ADARB2: variants seen among roughly 807,000 people sequenced by gnomAD.
ADARB2 encodes adenosine deaminase RNA specific B2 (inactive).
Under a neutral mutation model 62.2 loss-of-function variants are expected in ADARB2, and 25 were observed. The observed-to-expected ratio is 0.40, with a 90% CI of 0.29 to 0.56. The LOEUF (loss-of-function observed/expected upper bound fraction) is 0.56. Among genes scored for constraint, ADARB2 ranks in the 20% least tolerant of loss-of-function variants. The probability of loss-of-function intolerance (pLI) is 0.43; values close to 1 mark genes in which losing one functional copy is unlikely to be tolerated. For synonymous variants in ADARB2, 572 were observed against 500.8 expected (o/e 1.14, Z -1.90); for missense variants, 1,071 against 1,077.4 (o/e 0.99, Z 0.08).
chr10:1,681,535 G>T (rs1447401014), intron 1 of ADARB2, among the ~76,000 whole-genome samples: 2 of 151,864 alleles, frequency 1.3e-5, no homozygotes, highest in African/African-American at 2.4e-5. Flanking sequence ...TTCTGGTCCT[G>T]GCTCTGCAAT....
intron 1 of ADARB2, among the ~76,000 whole-genome samples, chr10:1,507,504 C>A (rs149841540): frequency 1.1e-3 from 169 of 152,354 alleles, no homozygotes; most frequent in African/African-American, 4.0e-3. Context: ...CTTCTGAGTG[C>A]TTCCTTTACT....
chr10:1,450,524 C>T (rs765359674), intron 1 of ADARB2, among the ~76,000 whole-genome samples: 37 of 152,250 alleles, frequency 2.4e-4, no homozygotes, highest in Admixed American at 9.8e-4. Context: ...CCCCTTGGAT[C>T]TGTCACTTAT....
chr10:1,462,229 G>A (rs1831183778), intron 1 of ADARB2, among the ~76,000 whole-genome samples: 1 of 152,128 alleles, frequency 6.6e-6, no homozygotes, highest in Non-Finnish European at 1.5e-5. Context: ...ACAGCTCAGG[G>A]CTCTGCCAGC....
intron 1 of ADARB2, among the ~76,000 whole-genome samples, chr10:1,384,687 T>C (rs904899029): frequency 3.9e-5 from 6 of 152,156 alleles, no homozygotes; most frequent in Admixed American, 2.6e-4. Context: ...AGTAGAAAAG[T>C]GGACCTGGAG....
At chr10:1,208,988 A>T (rs1196082115) in intron 7 of ADARB2, among the ~76,000 whole-genome samples, 1 of 152,146 alleles carries the variant, frequency 6.6e-6, no homozygotes, top group African/African-American at 2.4e-5. Context: ...AAACAGGCTC[A>T]GGGTATCCTC....
Position 1,393,174 on chromosome 10 carries a change from T to C in ADARB2, c.101-14014A>G, listed in dbSNP as rs117013196. Among the ~76,000 whole-genome samples, 727 of 152,360 alleles carry C rather than the reference T, an allele frequency of 4.8e-3. 5 individuals carry two copies. The highest frequency in any genetic ancestry group is 7.8e-3 in the Non-Finnish European group (534 of 68,036). On this transcript the variant is annotated intron_variant, in intron 1 of 9. Transcript: ENST00000381312. ...TGGAATGTGTCCATTTTTCATGGTT[T>C]AATTTCTTCTTCTCTCTGTTGGTTA...
chr10:1,335,657 T>C (rs574303834), intron 3 of ADARB2, among the ~76,000 whole-genome samples: 55 of 152,318 alleles, frequency 3.6e-4, no homozygotes, highest in African/African-American at 1.2e-3. Flanking sequence ...GGCCATCATT[T>C]ATATCTTTTC....
chr10:1,228,101 C>G (rs1021743), intron 6 of ADARB2, among the ~76,000 whole-genome samples: 120,540 of 152,206 alleles, frequency 0.79, 47,956 homozygotes, highest in African/African-American at 0.87. Flanking sequence ...ATGGGATTTT[C>G]GTTAAATCTC....
At chr10:1,211,319 A>G (rs1251430393) in intron 7 of ADARB2, among the ~76,000 whole-genome samples, 1 of 151,556 alleles carries the variant, frequency 6.6e-6, no homozygotes, top group African/African-American at 2.4e-5. Context: ...ATCTTCATCT[A>G]TCTGTCATTT....
At chr10:1,335,505 A>G (rs1831965807) in intron 3 of ADARB2, among the ~76,000 whole-genome samples, 1 of 145,392 alleles carries the variant, frequency 6.9e-6, no homozygotes, top group East Asian at 2.1e-4. Context: ...GTAGAAGGAC[A>G]GATGGATGGA....
In ADARB2 at chr10:1,248,013, A is replaced by G. The variant is rs142760808; in HGVS notation, c.1193-5714T>C. Among the ~76,000 whole-genome samples the G allele has an allele frequency of 3.5e-4, 53 of 152,342 alleles. No homozygotes were observed. The East Asian group carries it at 0.01, about 29-fold the overall frequency. On this transcript the variant is annotated intron_variant, in intron 4 of 9. Coordinates refer to ENST00000381312, the MANE Select transcript of ADARB2 (RefSeq NM_018702.4). ...AAAAATGCTCTGCACTCAATGAGCA[A>G]TGCTTTGTGTAAAAATGTGCCCAAA...
At chr10:1,417,071 G>A (rs1263212379) in intron 1 of ADARB2, among the ~76,000 whole-genome samples, 4 of 152,092 alleles carry the variant, frequency 2.6e-5, no homozygotes, top group Non-Finnish European at 5.9e-5. Flanking sequence ...CAGAAAGTGT[G>A]GGATATAATA....
At chr10:1,364,596 G>T (rs183441486) in intron 2 of ADARB2, among the ~76,000 whole-genome samples, 183 of 152,292 alleles carry the variant, frequency 1.2e-3, no homozygotes, top group Non-Finnish European at 1.1e-3. Context: ...GGGAAAAAAT[G>T]GATGAATCAC....
intron 1 of ADARB2, among the ~76,000 whole-genome samples, chr10:1,502,163 G>A (rs1588279469): frequency 6.6e-6 from 1 of 152,244 alleles, no homozygotes; most frequent in Non-Finnish European, 1.5e-5. Context: ...CTTTCACAGC[G>A]AAAGGAGACT....
chr10:1,341,731 C>G (rs1832030939), intron 3 of ADARB2, among the ~76,000 whole-genome samples: 1 of 151,838 alleles, frequency 6.6e-6, no homozygotes, highest in East Asian at 1.9e-4. Flanking sequence ...ACGTGCCCCA[C>G]AGCGGCGATA....
At chr10:1,667,125 T>C (rs1588345030) in intron 1 of ADARB2, among the ~76,000 whole-genome samples, 3 of 152,232 alleles carry the variant, frequency 2.0e-5, no homozygotes, top group African/African-American at 7.2e-5. Context: ...TTGTCCCAAA[T>C]AGAATTTAAT....
chr10:1,243,948 T>G (rs1292793224), intron 4 of ADARB2, among the ~76,000 whole-genome samples: 8 of 152,348 alleles, frequency 5.3e-5, no homozygotes, highest in African/African-American at 1.9e-4. Context: ...GTGACCAGAC[T>G]TCCCCACGCC....
intron 1 of ADARB2, among the ~76,000 whole-genome samples, chr10:1,611,074 C>A (rs1874993): frequency 6.6e-6 from 1 of 151,948 alleles, no homozygotes; most frequent in African/African-American, 2.4e-5. Context: ...TGCCGCGTGT[C>A]TGCAAGTAGT....
intron 1 of ADARB2, among the ~76,000 whole-genome samples, chr10:1,447,179 G>A (rs11250524): frequency 0.052 from 7,863 of 152,244 alleles, 661 homozygotes; most frequent in African/African-American, 0.18. Flanking sequence ...ACAGCAACGC[G>A]TGGAATGGCT....
Sources: gnomAD v4.1 joint callset for allele counts (sites outside exome capture counted in the v4.1 genomes callset) on GRCh38, gnomAD v4.1.1 for gene constraint, MANE v1.5 for transcripts, NCBI Gene and HGNC (gene_info 2026-07-23, HGNC 2026-07-21) for gene names.